Variants in ZNF728 observed in about 807,000 individuals in gnomAD.
ZNF728 encodes zinc finger protein 728.
Under a neutral mutation model 12.5 loss-of-function variants are expected in ZNF728, and 12 were observed. The ratio of observed to expected loss-of-function variants is 0.96; its 90% confidence interval spans 0.61 to 1.55. The LOEUF is 1.55. Among genes scored for constraint, ZNF728 ranks in the 40% most tolerant of loss-of-function variants. The probability of loss-of-function intolerance (pLI) is 0.00; values close to 1 mark genes in which losing one functional copy is unlikely to be tolerated. For synonymous variants in ZNF728, 205 were observed against 240.7 expected, an observed-to-expected ratio of 0.85 and a Z score of 1.37; for missense variants, 692 against 719.2, an observed-to-expected ratio of 0.96 and a Z score of 0.43.
intron 1 of ZNF728, among the ~76,000 whole-genome samples, chr19:22,989,944 T>C (rs187183078): frequency 1.3e-5 from 2 of 151,502 alleles, no homozygotes; most frequent in East Asian, 2.0e-4. Context: ...TTTTCCCCAA[T>C]AGGAATTTTG....
At chr19:23,001,663 C>T (rs538442497) in intron 1 of ZNF728, among the ~76,000 whole-genome samples, 4 of 152,114 alleles carry the variant, frequency 2.6e-5, no homozygotes, top group Admixed American at 6.6e-5. Flanking sequence ...TCTGTGTCTA[C>T]GGAAAACAGA....
intron 3 of ZNF728, among the ~76,000 whole-genome samples, chr19:22,986,269 G>A (rs1968915887): frequency 6.6e-6 from 1 of 152,068 alleles, no homozygotes; most frequent in Non-Finnish European, 1.5e-5. Flanking sequence ...CTTGACGTAT[G>A]TGGAAGAAAA....
intron 1 of ZNF728, among the ~76,000 whole-genome samples, chr19:22,990,971 A>G (rs1968980880): frequency 6.6e-6 from 1 of 152,172 alleles, no homozygotes; most frequent in Non-Finnish European, 1.5e-5. Context: ...TGGGTCTTTT[A>G]AACAAGTGCG....
chr19:22,990,258 G>GA lies in ZNF728; in HGVS notation c.4-1808dup, dbSNP rs571188409. On this transcript the variant is annotated intron_variant, in intron 1 of 3. Transcript: ENST00000594710. Reference sequence around the variant, plus strand: ...ATCTTGATCTGAGACACATTTAGCTGAAAAAAAAAAAGGTCATTTTTTTCT... The same window carrying GA: ...ATCTTGATCTGAGACACATTTAGCTGAAAAAAAAAAAAGGTCATTTTTTTCT... 4.8e-3 allele frequency among the ~76,000 whole-genome samples: 684 copies of GA among 143,258 alleles called. 3 individuals are homozygous for GA. The highest frequency in any genetic ancestry group is 0.033 in the Middle Eastern group (9 of 274). 94.0% of individuals were successfully genotyped at this position (143,258 alleles called of 152,430 possible). A position where few individuals can be genotyped will look rare whatever the true frequency, so the allele number is the denominator to read the frequency against.
intron 3 of ZNF728, among the ~76,000 whole-genome samples, chr19:22,980,588 ACAC>A (rs1568274829): frequency 6.6e-6 from 1 of 152,076 alleles, no homozygotes; most frequent in East Asian, 1.9e-4. Context: ...ATTCTTCTCA[ACAC>A]CACATCACAC....
In ZNF728 at chr19:22,975,921, T is replaced by C. The variant is rs773579488; in HGVS notation, c.1416A>G (p.Ala472=). 1.9e-6 allele frequency: 3 copies of C among 1,606,434 alleles called. No individual in the cohort carries two copies. In the East Asian group the frequency reaches 6.7e-5, roughly 36 times the overall value. ...TGTAGAGTTTCTCTCCAGCATGAAT[T>C]GCCTTATGTGTAGTAAGGCTTGAGG... ...SWSSSLTTHK[A]IHAGEKLYKC... The change falls in exon 4 of 4, where the codon GCA becomes GCG. Residue 472 remains alanine, a synonymous_variant. Coordinates refer to ENST00000594710, the MANE Select transcript of ZNF728 (RefSeq NM_001267716.2).
At chr19:22,987,730 G>C (rs528728320) in intron 2 of ZNF728, among the ~76,000 whole-genome samples, 2 of 152,114 alleles carry the variant, frequency 1.3e-5, no homozygotes, top group Admixed American at 6.5e-5. Flanking sequence ...TTAAGTTAAG[G>C]TCAAGATGAA....
intron 1 of ZNF728, among the ~76,000 whole-genome samples, chr19:22,999,831 T>G (rs1969087651): frequency 6.6e-6 from 1 of 152,108 alleles, no homozygotes; most frequent in Admixed American, 6.5e-5. Context: ...AGCATTAAAC[T>G]CAGAAATTGA....
At chr19:22,995,662 C>A (rs1242362553) in intron 1 of ZNF728, 1 of 152,158 alleles carries the variant, frequency 6.6e-6, no homozygotes, top group East Asian at 1.9e-4. Context: ...GTCTCAGACT[C>A]CTGACCTCAG....
At chr19:23,000,113 A>T (rs1969091670) in intron 1 of ZNF728, among the ~76,000 whole-genome samples, 1 of 152,228 alleles carries the variant, frequency 6.6e-6, no homozygotes, top group African/African-American at 2.4e-5. Flanking sequence ...TTACGCCTGT[A>T]ATCCCAGCAC....
intron 3 of ZNF728, among the ~76,000 whole-genome samples, chr19:22,981,941 C>A (rs1968865219): frequency 6.6e-6 from 1 of 152,066 alleles, no homozygotes; most frequent in South Asian, 2.1e-4. Context: ...TGGCCAAAAA[C>A]CAGAAGCACT....
rs547726984 is a variant in ZNF728 at position 23,003,143 on chromosome 19, G to C, written c.-113C>G. On this transcript the variant is annotated 5_prime_UTR_variant, in exon 1 of 4. Transcript: ENST00000594710. ...GCGGACGACACACAGCAGTAAGGAC[G>C]ACACCTTGACCTCCGCGTGCAGCGA... 204 of 1,281,196 alleles carry C rather than the reference G, an allele frequency of 1.6e-4. 3 individuals are homozygous for C. The South Asian group carries it at 3.1e-3, about 20-fold the overall frequency. 79.4% of individuals were successfully genotyped at this position (1,281,196 alleles called of 1,614,324 possible).
intron 2 of ZNF728, among the ~76,000 whole-genome samples, chr19:22,987,605 A>G (rs964285776): frequency 6.6e-6 from 1 of 152,236 alleles, no homozygotes; most frequent in Non-Finnish European, 1.5e-5. Flanking sequence ...CTACTGAATT[A>G]AAAATTGGTG....
intron 1 of ZNF728, among the ~76,000 whole-genome samples, chr19:23,000,635 G>A (rs11881659): frequency 0.025 from 3,761 of 151,998 alleles, 146 homozygotes; most frequent in African/African-American, 0.084. Context: ...AGGCCAAGGT[G>A]GGCAGATTAC....
rs570012100 is a variant in ZNF728 at position 22,981,596 on chromosome 19, T to C, written c.227-4486A>G. ...CAACAACAGAAAAATTTCAGTCCAA[T>C]ATCCCTGATGAACATGGATGCAAAA... On this transcript the variant is annotated intron_variant, in intron 3 of 3. Transcript: ENST00000594710. Among the ~76,000 whole-genome samples the C allele has an allele frequency of 1.4e-3, 210 of 152,272 alleles. 1 individual carries two copies. The highest frequency in any genetic ancestry group is 2.7e-3 in the Non-Finnish European group (182 of 68,014).
chr19:22,992,860 AC>A (rs1234043834), intron 1 of ZNF728, among the ~76,000 whole-genome samples: 1 of 152,124 alleles, frequency 6.6e-6, no homozygotes, highest in Non-Finnish European at 1.5e-5. Context: ...GTTCCCCATG[AC>A]CCTGGGCTGA....
chr19:22,998,680 T>C (rs925307419), intron 1 of ZNF728, among the ~76,000 whole-genome samples: 1 of 152,050 alleles, frequency 6.6e-6, no homozygotes, highest in African/African-American at 2.4e-5. Flanking sequence ...AAATAAAATA[T>C]ACAACCCCCA....
At chr19:22,983,249 T>G (rs1968879373) in intron 3 of ZNF728, among the ~76,000 whole-genome samples, 1 of 151,128 alleles carries the variant, frequency 6.6e-6, no homozygotes, top group African/African-American at 2.4e-5. Context: ...CCAACAAACA[T>G]GAAAAAAAGC....
chr19:22,988,863 C>T (rs543458212), intron 1 of ZNF728, among the ~76,000 whole-genome samples: 1 of 151,926 alleles, frequency 6.6e-6, no homozygotes, highest in East Asian at 1.9e-4. Context: ...ACCAGCCTGA[C>T]CAACATGGAG....
Sources: gnomAD v4.1 joint callset for allele counts (sites outside exome capture counted in the v4.1 genomes callset) on GRCh38, gnomAD v4.1.1 for gene constraint, MANE v1.5 for transcripts, NCBI Gene and HGNC (gene_info 2026-07-23, HGNC 2026-07-21) for gene names.